The following GRIP1 variants were observed in gnomAD, a reference collection of about 807,000 sequenced individuals.
GRIP1 encodes the protein glutamate receptor-interacting protein 1.
GRIP1 carries 45 observed loss-of-function variants against 129.9 expected under a neutral mutation model. The observed-to-expected ratio is 0.35, with a 90% CI of 0.27 to 0.44. The LOEUF (loss-of-function observed/expected upper bound fraction) is 0.44. Among genes scored for constraint, GRIP1 ranks in the 20% least tolerant of loss-of-function variants. The probability of loss-of-function intolerance (pLI) is 1.00; values close to 1 mark genes in which losing one functional copy is unlikely to be tolerated. For synonymous variants in GRIP1, 530 were observed against 520.8 expected (o/e 1.02, Z -0.24); for missense variants, 1,196 against 1,396.8 (o/e 0.86, Z 2.29).
chr12:66,810,629 G>C (rs554366004), intron 1 of GRIP1, among the ~76,000 whole-genome samples: 3 of 152,192 alleles, frequency 2.0e-5, no homozygotes, highest in Non-Finnish European at 4.4e-5. Context: ...TTTTCCGTTT[G>C]TAACCACGTC....
At chr12:66,679,916 C>T (rs1352272381), upstream of GRIP1, among the ~76,000 whole-genome samples, 1 of 152,184 alleles carries the variant, frequency 6.6e-6, no homozygotes, top group Non-Finnish European at 1.5e-5. Context: ...AAACCCTTCA[C>T]AATCCATTCA....
chr12:66,635,291 G>T (rs1271492973), intron 1 of GRIP1, among the ~76,000 whole-genome samples: 1 of 151,772 alleles, frequency 6.6e-6, no homozygotes, highest in Admixed American at 6.6e-5. Flanking sequence ...TGGCGATGCA[G>T]GCTTGTGGTC....
chr12:67,032,345 C>T (rs573060658), intron 1 of GRIP1, among the ~76,000 whole-genome samples: 1 of 152,132 alleles, frequency 6.6e-6, no homozygotes, highest in Non-Finnish European at 1.5e-5. Context: ...TGTTAAAATG[C>T]CTAGGAAAAT....
chr12:66,949,891 C>T (rs533437576), intron 1 of GRIP1, among the ~76,000 whole-genome samples: 6 of 151,844 alleles, frequency 4.0e-5, no homozygotes, highest in African/African-American at 1.5e-4. Flanking sequence ...CCTCAGCCCC[C>T]CCGAGTAGCT....
At chr12:66,655,606 CTTTTT>C (rs1173143521) in intron 1 of GRIP1, among the ~76,000 whole-genome samples, 1 of 118,042 alleles carries the variant, frequency 8.5e-6, no homozygotes, top group African/African-American at 3.2e-5. Context: ...TTTTTTTGTA[CTTTTT>C]TTTTTTTTTT....
intron 1 of GRIP1, among the ~76,000 whole-genome samples, chr12:66,826,893 A>T (rs927670209): frequency 2.6e-5 from 4 of 152,098 alleles, no homozygotes; most frequent in Middle Eastern, 3.4e-3. Context: ...ATGTTTTTTT[A>T]AAAAATGCAT....
chr12:66,569,747 C>T (rs1014139699), intron 2 of GRIP1, among the ~76,000 whole-genome samples: 1 of 152,154 alleles, frequency 6.6e-6, no homozygotes, highest in African/African-American at 2.4e-5. Context: ...AGAGAGGGGG[C>T]TGGGGGCTGC....
intron 8 of GRIP1, 83 bp downstream of exon 8, chr12:66,465,192 C>T (rs773739385): frequency 5.3e-5 from 63 of 1,182,798 alleles, no homozygotes; most frequent in East Asian, 7.4e-5. Flanking sequence ...GTGATTCACC[C>T]GCCTCGGCCT....
intron 1 of GRIP1, among the ~76,000 whole-genome samples, chr12:66,770,892 G>A (rs1262158021): frequency 6.6e-6 from 1 of 152,130 alleles, no homozygotes; most frequent in East Asian, 1.9e-4. Flanking sequence ...TCAGGAGTTC[G>A]AGACCAGCCT....
chr12:66,871,436 C>T (rs1040538955), intron 1 of GRIP1, among the ~76,000 whole-genome samples: 3 of 152,086 alleles, frequency 2.0e-5, no homozygotes, highest in Non-Finnish European at 4.4e-5. Flanking sequence ...AGTACTGCAA[C>T]TTATTAGTTT....
chr12:66,618,076 CATA>C (rs1358693717), intron 1 of GRIP1, among the ~76,000 whole-genome samples: 2 of 152,044 alleles, frequency 1.3e-5, no homozygotes, highest in Non-Finnish European at 2.9e-5. Context: ...ATAGCAATTT[CATA>C]ATAACACAAT....
intron 7 of GRIP1, among the ~76,000 whole-genome samples, chr12:66,482,401 G>A (rs1214059808): frequency 6.6e-6 from 1 of 152,130 alleles, no homozygotes; most frequent in African/African-American, 2.4e-5. Context: ...ATGAGCTCTA[G>A]GAGAACAACA....
intron 1 of GRIP1, among the ~76,000 whole-genome samples, chr12:66,820,924 T>C (rs2039306022): frequency 6.6e-6 from 1 of 152,168 alleles, no homozygotes; most frequent in Non-Finnish European, 1.5e-5. Context: ...GATACCATAA[T>C]GGTGCATACG....
At chr12:66,411,652 G>T (rs2057407802) in intron 15 of GRIP1, among the ~76,000 whole-genome samples, 1 of 152,182 alleles carries the variant, frequency 6.6e-6, no homozygotes, top group Non-Finnish European at 1.5e-5. Context: ...GGCAGAAGTA[G>T]GCTTCAAAAG....
At chr12:67,047,691 G>C (rs774384) in intron 1 of GRIP1, among the ~76,000 whole-genome samples, 52,584 of 152,052 alleles carry the variant, frequency 0.35, 10,337 homozygotes, top group Non-Finnish European at 0.46. Context: ...TGCACATTTA[G>C]GTTGCTTTCA....
intron 1 of GRIP1, among the ~76,000 whole-genome samples, chr12:67,006,634 T>C (rs1307025389): frequency 2.0e-5 from 3 of 152,126 alleles, no homozygotes; most frequent in African/African-American, 7.2e-5. Context: ...ACAGCCTTCA[T>C]CTGAGGGTAA....
intron 23 of GRIP1, among the ~76,000 whole-genome samples, chr12:66,358,809 G>C (rs954375668): frequency 6.6e-6 from 1 of 152,178 alleles, no homozygotes; most frequent in Non-Finnish European, 1.5e-5. Flanking sequence ...GGGATGAAGA[G>C]GAGAAATAGT....
chr12:66,850,302 G>C (rs982690743), intron 1 of GRIP1, among the ~76,000 whole-genome samples: 1 of 152,098 alleles, frequency 6.6e-6, no homozygotes, highest in South Asian at 2.1e-4. Flanking sequence ...TTTATACAGT[G>C]CTTCTTATGA....
chr12:67,048,767 A>G (rs1473210483), intron 1 of GRIP1, among the ~76,000 whole-genome samples: 1 of 152,140 alleles, frequency 6.6e-6, no homozygotes, highest in Non-Finnish European at 1.5e-5. Flanking sequence ...CGAATACCTA[A>G]CAGTTTTTAA....
Sources: allele counts gnomAD v4.1 joint callset (sites outside exome capture counted in the v4.1 genomes callset), GRCh38; gene constraint gnomAD v4.1.1; transcripts MANE v1.5; gene names NCBI Gene and HGNC (gene_info 2026-07-23, HGNC 2026-07-21).